The following CRYL1 variants were observed in gnomAD, a reference collection of about 807,000 sequenced individuals.
The protein encoded by CRYL1 is crystallin lambda 1.
A neutral mutation model predicts 36.6 loss-of-function variants in CRYL1; 29 were observed. That is an observed-to-expected ratio of 0.79 (90% CI 0.59 to 1.08). CRYL1 has a LOEUF of 1.08. CRYL1 is among the 50% of genes least tolerant of loss of function. The pLI is 0.00. For synonymous variants in CRYL1, 152 were observed against 151.5 expected, an observed-to-expected ratio of 1.00 and a Z score of -0.02; for missense variants, 411 against 407.9, an observed-to-expected ratio of 1.01 and a Z score of -0.06.
chr13:20,410,210 T>G (rs1219904017), intron 6 of CRYL1, among the ~76,000 whole-genome samples: 2 of 147,218 alleles, frequency 1.4e-5, no homozygotes, highest in African/African-American at 5.0e-5. Context: ...GCCATAAAAA[T>G]GATGAGTTCA....
At chr13:20,482,770 TGC>T (rs2033305131) in intron 3 of CRYL1, among the ~76,000 whole-genome samples, 2 of 151,976 alleles carry the variant, frequency 1.3e-5, no homozygotes, top group African/African-American at 4.8e-5. Flanking sequence ...CGCGTGTGTG[TGC>T]GCACGCACAC....
rs770411010 is a variant in CRYL1 at position 20,478,901 on chromosome 13, C to T, written c.276+10469G>A. ...CCAGGTAGCTGGGACTACAGGCATGCGCCACACCAAGCCCAGCTAATTTTT... is the reference window on the plus strand; with the variant it reads ...CCAGGTAGCTGGGACTACAGGCATGTGCCACACCAAGCCCAGCTAATTTTT... On this transcript the variant is annotated intron_variant, in intron 3 of 7. Transcript: ENST00000298248. 2.7e-5 allele frequency among the ~76,000 whole-genome samples: 4 copies of T among 150,574 alleles called. No individual in the cohort carries two copies. The Admixed American group carries it at 2.7e-4, about 10-fold the overall frequency.
At chr13:20,457,699 T>G (rs542424764) in intron 3 of CRYL1, among the ~76,000 whole-genome samples, 1 of 152,328 alleles carries the variant, frequency 6.6e-6, no homozygotes, top group South Asian at 2.1e-4. Flanking sequence ...TTCAGCTCCC[T>G]AATCCATGAA....
At chr13:20,507,724 C>G (rs772920256) in intron 2 of CRYL1, among the ~76,000 whole-genome samples, 1 of 151,974 alleles carries the variant, frequency 6.6e-6, no homozygotes, top group Non-Finnish European at 1.5e-5. Flanking sequence ...CGAGACCATC[C>G]TGGCTAACAC....
At chr13:20,463,736 A>T (rs1001555620) in intron 3 of CRYL1, among the ~76,000 whole-genome samples, 2 of 152,220 alleles carry the variant, frequency 1.3e-5, no homozygotes, top group African/African-American at 2.4e-5. Context: ...AAATAATCTG[A>T]TGATACCAAG....
intron 3 of CRYL1, among the ~76,000 whole-genome samples, chr13:20,488,395 C>G (rs550800759): frequency 1.3e-5 from 2 of 152,188 alleles, no homozygotes; most frequent in Non-Finnish European, 2.9e-5. Flanking sequence ...AGTTGAAAAA[C>G]AGTCCTCTCC....
At chr13:20,518,001 ACT>A (rs757305527) in intron 1 of CRYL1, among the ~76,000 whole-genome samples, 13 of 151,738 alleles carry the variant, frequency 8.6e-5, no homozygotes, top group Non-Finnish European at 1.8e-4. Flanking sequence ...AACAGGGTAA[ACT>A]CTATGCACCA....
chr13:20,427,963 A>G (rs1041609174), intron 5 of CRYL1, among the ~76,000 whole-genome samples: 1 of 152,148 alleles, frequency 6.6e-6, no homozygotes, highest in African/African-American at 2.4e-5. Flanking sequence ...TCAAAACTCA[A>G]TCAAGATGAA....
rs75193708 is a variant in CRYL1, at chr13:20,524,270, A to C, written c.41+1484T>G. Among the ~76,000 whole-genome samples the C allele has an allele frequency of 4.6e-3, 694 of 152,192 alleles. 11 individuals are homozygous for C. Among genetic ancestry groups the C allele is most frequent in the African/African-American group, 0.015 (631 of 41,522 alleles). ...CGTGCGCGCACGCATGCGTGTAAAAACTGTGTGTGTATATATATGTGTGAG... is the reference window on the plus strand; with the variant it reads ...CGTGCGCGCACGCATGCGTGTAAAACCTGTGTGTGTATATATATGTGTGAG... On this transcript the variant is annotated intron_variant, in intron 1 of 7. Transcript: ENST00000298248.
intron 3 of CRYL1, among the ~76,000 whole-genome samples, chr13:20,477,886 C>CCA (rs200225383): frequency 0.041 from 2,334 of 57,210 alleles, 68 homozygotes; most frequent in African/African-American, 0.16. Flanking sequence ...ATATATAATA[C>CCA]TATACTATAA....
At chr13:20,423,955 G>C (rs1229865418) in intron 5 of CRYL1, among the ~76,000 whole-genome samples, 1 of 151,960 alleles carries the variant, frequency 6.6e-6, no homozygotes, top group Admixed American at 6.6e-5. Context: ...ATTTTTAATA[G>C]AGACGGGGTT....
Position 20,512,556 on chromosome 13 carries a change from G to T in CRYL1, c.42-6C>A. 1.2e-6 allele frequency: 2 copies of T among 1,604,198 alleles called. No individual in the cohort carries two copies. The highest frequency in any genetic ancestry group is 1.7e-6 in the Non-Finnish European group (2 of 1,172,114). ...AGCTTCGCCCAATGACTCCACTGAA[G>T]GGAGATAAAAGAAAGGATTCGAGTT... On this transcript the variant is annotated splice_polypyrimidine_tract_variant and splice_region_variant and intron_variant, in intron 1 of 7. Transcript: ENST00000298248.
rs1042013184 is a variant in CRYL1 at position 20,415,751 on chromosome 13, T to A, written c.634-2364A>T. ...ACCCTGACTCCTGCAATTGCGGCTT[T>A]CCCGCTTTTCAGACTGGCCGCCCGT... On this transcript the variant is annotated intron_variant, in intron 5 of 7. Coordinates refer to ENST00000298248, the MANE Select transcript of CRYL1 (RefSeq NM_015974.3). This position sits in a 1 kb window ranked among gnomAD's most constrained non-coding sequence, Gnocchi z 4.1. 1.3e-5 allele frequency among the ~76,000 whole-genome samples: 2 copies of A among 152,224 alleles called. No homozygotes were observed. The highest frequency in any genetic ancestry group is 4.8e-5 in the African/African-American group (2 of 41,462).
intron 5 of CRYL1, chr13:20,426,827 G>A (rs1234938570): frequency 4.1e-6 from 4 of 985,378 alleles, no homozygotes; most frequent in Non-Finnish European, 4.8e-6. Flanking sequence ...GCCCCATCCA[G>A]ATGCCCCAGA....
intron 3 of CRYL1, among the ~76,000 whole-genome samples, chr13:20,446,286 A>G (rs2032453600): frequency 6.6e-6 from 1 of 152,138 alleles, no homozygotes; most frequent in African/African-American, 2.4e-5. Context: ...TAATTTTTGT[A>G]TTTTTAGTAG....
rs907868739 is a variant in CRYL1 at position 20,481,519 on chromosome 13, C to T, written c.276+7851G>A. ...GACGCTGATTTCATACGTGACTGTA[C>T]GCATCTGTCAGACACATAGCACTGA... On this transcript the variant is annotated intron_variant, in intron 3 of 7. Transcript: ENST00000298248. This position sits in a 1 kb window ranked among gnomAD's most constrained non-coding sequence, Gnocchi z 4.1. 6.6e-6 allele frequency among the ~76,000 whole-genome samples: 1 copy of T among 152,096 alleles called. No individual in the cohort carries two copies. Among genetic ancestry groups the T allele is most frequent in the Non-Finnish European group, 1.5e-5 (1 of 68,028 alleles).
intron 3 of CRYL1, among the ~76,000 whole-genome samples, chr13:20,449,725 G>T (rs929015895): frequency 6.6e-6 from 1 of 152,086 alleles, no homozygotes; most frequent in Non-Finnish European, 1.5e-5. Flanking sequence ...TCCTGAAACT[G>T]ATAAATGACT....
At chr13:20,509,250 TTTTTG>T (rs10694169) in intron 2 of CRYL1, among the ~76,000 whole-genome samples, 9 of 146,924 alleles carry the variant, frequency 6.1e-5, no homozygotes, top group East Asian at 2.0e-4. Context: ...GCCTCATAGT[TTTTTG>T]TTTTGTTTTG....
chr13:20,500,842 C>T (rs1407358193), intron 2 of CRYL1, among the ~76,000 whole-genome samples: 1 of 152,062 alleles, frequency 6.6e-6, no homozygotes, highest in Non-Finnish European at 1.5e-5. Flanking sequence ...GAAATTGATA[C>T]TTTTTGCCTT....
Sources: gnomAD v4.1 joint callset for allele counts (sites outside exome capture counted in the v4.1 genomes callset) on GRCh38, gnomAD v4.1.1 for gene constraint, Gnocchi (gnomAD v3.1) non-coding constraint, MANE v1.5 for transcripts, NCBI Gene and HGNC (gene_info 2026-07-23, HGNC 2026-07-21) for gene names.